Variants in PARP1 observed in about 807,000 individuals in gnomAD.
PARP1 encodes poly(ADP-ribose) polymerase 1, also known as poly [ADP-ribose] polymerase 1.
PARP1 carries 44 observed loss-of-function variants against 118.7 expected under a neutral mutation model. The ratio of observed to expected loss-of-function variants is 0.37; its 90% CI spans 0.29 to 0.48. PARP1 has a LOEUF of 0.48. PARP1 is among the 20% of genes least tolerant of loss of function. The pLI is 0.99. For synonymous variants in PARP1, 492 were observed against 483.2 expected (o/e 1.02, Z -0.24); for missense variants, 1,100 against 1,272.4 (o/e 0.86, Z 2.06).
intron 5 of PARP1, among the ~76,000 whole-genome samples, chr1:226,387,504 C>T (rs1267848761): frequency 2.0e-5 from 3 of 152,178 alleles, no homozygotes; most frequent in Admixed American, 6.5e-5. Context: ...ACTCCACTGG[C>T]AAAGGTACAG....
At chr1:226,401,989 A>G (rs1199289283) in intron 2 of PARP1, 5 of 1,464,152 alleles carry the variant, frequency 3.4e-6, no homozygotes, top group Admixed American at 2.7e-5. Flanking sequence ...AAACAACTTT[A>G]AAGGCTACAT....
intron 13 of PARP1, among the ~76,000 whole-genome samples, chr1:226,375,792 T>C (rs1664474715): frequency 1.3e-5 from 2 of 152,202 alleles, no homozygotes; most frequent in Non-Finnish European, 2.9e-5. Flanking sequence ...ATAATTCTAT[T>C]GGACAGCACT....
At position 226,379,655 on chromosome 1, in the gene PARP1, A is replaced by T. The variant is rs1576395786; in HGVS notation, c.1544-14T>A. ...ATTTGTTGATACCTTGGAGGAGAACAGAAAAATGTAAACATGAAGTTAAAT... is the reference window on the plus strand; with the variant it reads ...ATTTGTTGATACCTTGGAGGAGAACTGAAAAATGTAAACATGAAGTTAAAT... On this transcript the variant is annotated splice_polypyrimidine_tract_variant and intron_variant, in intron 10 of 22. Coordinates refer to ENST00000366794, the MANE Select transcript of PARP1 (RefSeq NM_001618.4). 1 of 1,590,246 alleles carries T rather than the reference A, an allele frequency of 6.3e-7. No individual in the cohort carries two copies. Among genetic ancestry groups the T allele is most frequent in the Middle Eastern group, 1.9e-4 (1 of 5,400 alleles).
At chr1:226,383,546 G>C (rs547532073) in intron 7 of PARP1, among the ~76,000 whole-genome samples, 4 of 152,146 alleles carry the variant, frequency 2.6e-5, no homozygotes, top group African/African-American at 9.7e-5. Flanking sequence ...TGCTCCCTTC[G>C]AGAGTTAATA....
chr1:226,361,677 C>T, intron 22 of PARP1, 136 bp from the exon 23 acceptor site: 1 of 731,126 alleles, frequency 1.4e-6, no homozygotes, highest in Admixed American at 2.0e-5. Flanking sequence ...GGCTGGGTTG[C>T]CTCATCTCCC....
chr1:226,373,268 T>G (rs1202553302), intron 14 of PARP1, among the ~76,000 whole-genome samples: 1 of 152,316 alleles, frequency 6.6e-6, no homozygotes, highest in East Asian at 1.9e-4. Context: ...GGTGGAATGC[T>G]TAAGGCTGAT....
intron 2 of PARP1, chr1:226,392,527 A>T: frequency 1.7e-6 from 1 of 589,118 alleles, no homozygotes; most frequent in Non-Finnish European, 3.1e-6. Context: ...TCTCAGACTG[A>T]GCTCCTTGAA....
intron 2 of PARP1, among the ~76,000 whole-genome samples, chr1:226,399,427 T>C (rs1399845575): frequency 6.6e-6 from 1 of 152,118 alleles, no homozygotes; most frequent in Non-Finnish European, 1.5e-5. Context: ...CTGAAAAGGC[T>C]ACCTTCTGTA....
chr1:226,374,189 G>A (rs2102732098), intron 14 of PARP1, 37 bp downstream of exon 14: 1 of 1,611,376 alleles, frequency 6.2e-7, no homozygotes. Flanking sequence ...ATCATCCACA[G>A]CAAATGCTCA....
chr1:226,365,828 T>C, intron 18 of PARP1, 126 bp downstream of exon 18: 1 of 662,072 alleles, frequency 1.5e-6, no homozygotes, highest in Admixed American at 2.5e-5. Flanking sequence ...GCTGAACAAA[T>C]GAGTCACTTC....
At chr1:226,382,657 C>T (rs1232563052) in intron 8 of PARP1, among the ~76,000 whole-genome samples, 3 of 152,196 alleles carry the variant, frequency 2.0e-5, no homozygotes, top group Non-Finnish European at 4.4e-5. Context: ...TCCTGAGTAT[C>T]TAGGGCTAAA....
chr1:226,396,658 T>C (rs574436200), intron 2 of PARP1, among the ~76,000 whole-genome samples: 1 of 152,330 alleles, frequency 6.6e-6, no homozygotes, highest in African/African-American at 2.4e-5. Flanking sequence ...GTATCCTAAC[T>C]GTATGGTTAT....
At chr1:226,361,678 CT>C in intron 22 of PARP1, 137 bp from the exon 23 acceptor site, 1 of 732,114 alleles carries the variant, frequency 1.4e-6, no homozygotes, top group Non-Finnish European at 2.5e-6. Context: ...GCTGGGTTGC[CT>C]CATCTCCCCG....
At chr1:226,401,906 G>A (rs746351877) in intron 2 of PARP1, 3 of 1,262,644 alleles carry the variant, frequency 2.4e-6, no homozygotes, top group African/African-American at 1.5e-5. Flanking sequence ...TGGTGGGAGG[G>A]GGAGGGGGTA....
At chr1:226,365,855 T>A in intron 18 of PARP1, 99 bp downstream of exon 18, 1 of 770,298 alleles carries the variant, frequency 1.3e-6, no homozygotes, top group Non-Finnish European at 2.4e-6. Context: ...TTATTTAAAG[T>A]AAATAAACTG....
intron 7 of PARP1, among the ~76,000 whole-genome samples, chr1:226,384,793 G>A (rs1664685046): frequency 6.8e-6 from 1 of 147,648 alleles, no homozygotes; most frequent in Non-Finnish European, 1.5e-5. Flanking sequence ...AGCGAGTAAT[G>A]TCGATAGTTA....
At chr1:226,396,232 GCTA>G (rs1664914322) in intron 2 of PARP1, among the ~76,000 whole-genome samples, 1 of 152,060 alleles carries the variant, frequency 6.6e-6, no homozygotes, top group Non-Finnish European at 1.5e-5. Context: ...TGTAATCCCA[GCTA>G]CTTGGGAGGC....
chr1:226,386,570 C>G, intron 5 of PARP1, 128 bp from the exon 6 acceptor site: 1 of 767,526 alleles, frequency 1.3e-6, no homozygotes, highest in East Asian at 2.5e-5. Flanking sequence ...CCCTGCAAAT[C>G]TGGGTGATTA....
At chr1:226,381,019 T>G (rs1664593759) in intron 9 of PARP1, 49 bp downstream of exon 9, 1 of 1,606,278 alleles carries the variant, frequency 6.2e-7, no homozygotes, top group African/African-American at 1.3e-5. Context: ...ATCACAATCA[T>G]AAGATACAGA....
Sources: gnomAD v4.1 joint callset for allele counts (sites outside exome capture counted in the v4.1 genomes callset) on GRCh38, gnomAD v4.1.1 for gene constraint, MANE v1.5 for transcripts, NCBI Gene and HGNC (gene_info 2026-07-23, HGNC 2026-07-21) for gene names.